Variants in BLOC1S5 observed in about 807,000 individuals in gnomAD.
BLOC1S5 encodes the protein biogenesis of lysosome-related organelles complex 1 subunit 5.
Under a neutral mutation model 24.3 loss-of-function variants are expected in BLOC1S5, and 27 were observed. The ratio of observed to expected loss-of-function variants is 1.11; its 90% CI spans 0.82 to 1.53. The LOEUF is 1.53. Among genes scored for constraint, BLOC1S5 ranks in the 40% most tolerant of loss-of-function variants. The pLI, the probability that BLOC1S5 is intolerant of heterozygous loss-of-function variation, is 0.00. For synonymous variants in BLOC1S5, 84 were observed against 74.5 expected (o/e 1.13, Z -0.66); for missense variants, 239 against 229.4 (o/e 1.04, Z -0.27).
chr6:8,019,625 T>C (rs896452949), intron 4 of BLOC1S5, among the ~76,000 whole-genome samples: 1 of 150,758 alleles, frequency 6.6e-6, no homozygotes, highest in Non-Finnish European at 1.5e-5. Context: ...GGGGCGCCTA[T>C]ACATTCATGT....
chr6:8,057,009 G>A (rs1339155220), intron 2 of BLOC1S5, among the ~76,000 whole-genome samples: 3 of 152,152 alleles, frequency 2.0e-5, no homozygotes, highest in Non-Finnish European at 4.4e-5. Flanking sequence ...CTGAGGTCAG[G>A]AGTTCAAGAC....
intron 4 of BLOC1S5, among the ~76,000 whole-genome samples, chr6:8,023,415 C>T (rs1431451389): frequency 6.6e-6 from 1 of 152,098 alleles, no homozygotes; most frequent in Non-Finnish European, 1.5e-5. Flanking sequence ...CATGGTGAAA[C>T]CCCGTTTCTA....
rs186872675 is a variant in BLOC1S5 at position 8,044,493 on chromosome 6, G to A, written c.196-3225C>T. ...GGCTGAAAAGATAGAAGAAAATGTG[G>A]AAGCAACTTTGGAAATGAGTAACAG... On this transcript the variant is annotated intron_variant, in intron 2 of 4. Coordinates refer to ENST00000397457, the MANE Select transcript of BLOC1S5 (RefSeq NM_201280.3). Among the ~76,000 whole-genome samples the A allele has an allele frequency of 7.4e-4, 113 of 152,262 alleles. 1 individual carries two copies. In the Middle Eastern group the frequency reaches 0.01, roughly 14 times the overall value.
intron 2 of BLOC1S5, among the ~76,000 whole-genome samples, chr6:8,050,625 CAG>C (rs1764076718): frequency 2.1e-5 from 3 of 145,312 alleles, no homozygotes; most frequent in Admixed American, 6.9e-5. Flanking sequence ...TTTATTGAGA[CAG>C]AGTCTCACTC....
Position 8,038,052 on chromosome 6 carries a change from GAAGA to G in BLOC1S5, c.325+3083_325+3086del, listed in dbSNP as rs369895843. Among the ~76,000 whole-genome samples the G allele has an allele frequency of 9.4e-3, 1,429 of 152,252 alleles. 21 individuals carry two copies. The highest frequency in any genetic ancestry group is 0.033 in the African/African-American group (1,362 of 41,542). ...AAGACCTGAAACTGTGAAATTACTA[GAAGA>G]AAGCCTAGGGGGAAACACTCCAGGA... On this transcript the variant is annotated intron_variant, in intron 3 of 4. Transcript: ENST00000397457.
In BLOC1S5 at chr6:8,015,672, G is replaced by A. The variant is rs1421038787; in HGVS notation, c.541C>T (p.Leu181=). ...TCTTAAAAGGTTGAAAATTTCGCTAGGTCCTTCTCCATCTCAGCATATTGT... is the reference window on the plus strand; with the variant it reads ...TCTTAAAAGGTTGAAAATTTCGCTAAGTCCTTCTCCATCTCAGCATATTGT... ...KEQYAEMEKD[L]AKFSTF Residue 181 remains leucine, a synonymous_variant, in exon 5 of 5, where the codon CTA becomes TTA. Coordinates refer to ENST00000397457, the MANE Select transcript of BLOC1S5 (RefSeq NM_201280.3). 1 of 1,611,138 alleles carries A rather than the reference G, an allele frequency of 6.2e-7. No individual in the cohort carries two copies. The highest frequency in any genetic ancestry group is 8.5e-7 in the Non-Finnish European group (1 of 1,179,322).
intron 3 of BLOC1S5, among the ~76,000 whole-genome samples, chr6:8,033,498 A>C (rs1763374775): frequency 6.6e-6 from 1 of 152,206 alleles, no homozygotes; most frequent in African/African-American, 2.4e-5. Flanking sequence ...TAAAGACTTA[A>C]ACGTTAGACC....
chr6:8,042,254 A>G (rs141284527), intron 2 of BLOC1S5, among the ~76,000 whole-genome samples: 1,656 of 152,336 alleles, frequency 0.011, 36 homozygotes, highest in African/African-American at 0.038. Flanking sequence ...CATTCTAACT[A>G]TCATATAGCT....
At chr6:8,038,213 G>C (rs60261559) in intron 3 of BLOC1S5, among the ~76,000 whole-genome samples, 5,952 of 152,222 alleles carry the variant, frequency 0.039, 370 homozygotes, top group African/African-American at 0.13. Context: ...AAGTTGAAGA[G>C]ACAACCCACA....
chr6:8,055,193 A>C (rs1204883258), intron 2 of BLOC1S5, among the ~76,000 whole-genome samples: 1 of 152,230 alleles, frequency 6.6e-6, no homozygotes, highest in Non-Finnish European at 1.5e-5. Flanking sequence ...GCACTTTGGG[A>C]AGCCGAGGCG....
At chr6:8,023,018 A>G (rs569801599) in intron 4 of BLOC1S5, among the ~76,000 whole-genome samples, 2 of 152,204 alleles carry the variant, frequency 1.3e-5, no homozygotes, top group Non-Finnish European at 2.9e-5. Flanking sequence ...TTACTTCATA[A>G]TTACTTCCAG....
intron 4 of BLOC1S5, among the ~76,000 whole-genome samples, chr6:8,019,263 T>A (rs1479463712): frequency 2.2e-5 from 3 of 136,492 alleles, no homozygotes; most frequent in African/African-American, 8.0e-5. Context: ...CTGCTAGGCA[T>A]TCTTACTTTT....
chr6:8,019,891 A>AAAAGCC (rs1364330904), intron 4 of BLOC1S5, among the ~76,000 whole-genome samples: 3 of 152,214 alleles, frequency 2.0e-5, no homozygotes, highest in African/African-American at 7.2e-5. Flanking sequence ...CACAAGTTAG[A>AAAAGCC]AAATGAAAAG....
intron 3 of BLOC1S5, among the ~76,000 whole-genome samples, chr6:8,027,822 C>CA (rs34329491): frequency 0.3 from 37,234 of 125,200 alleles, 6,009 homozygotes; most frequent in East Asian, 0.68. Flanking sequence ...GACTCCATCT[C>CA]AAAAAAAAAA....
chr6:8,044,993 CA>C (rs1763831032), intron 2 of BLOC1S5, among the ~76,000 whole-genome samples: 1 of 152,188 alleles, frequency 6.6e-6, no homozygotes, highest in African/African-American at 2.4e-5. Flanking sequence ...AACAAGGAGC[CA>C]AATGTCAATC....
intron 4 of BLOC1S5, 42 bp downstream of exon 4, chr6:8,026,325 G>A: frequency 1.4e-6 from 2 of 1,454,842 alleles, no homozygotes; most frequent in Non-Finnish European, 1.9e-6. Flanking sequence ...TGATAATAAA[G>A]ATGCAAGAAT....
At chr6:8,054,231 G>A (rs1434998778) in intron 2 of BLOC1S5, 1 of 443,612 alleles carries the variant, frequency 2.3e-6, no homozygotes, top group South Asian at 1.6e-5. Context: ...TATTTACAAG[G>A]CAATCAATAA....
At chr6:8,048,565 T>C (rs148407666) in intron 2 of BLOC1S5, among the ~76,000 whole-genome samples, 17 of 152,026 alleles carry the variant, frequency 1.1e-4, no homozygotes, top group Admixed American at 9.8e-4. Flanking sequence ...ACATAATTGT[T>C]TGTTTTATCG....
intron 4 of BLOC1S5, among the ~76,000 whole-genome samples, chr6:8,019,336 T>C (rs1024671257): frequency 1.3e-5 from 2 of 151,512 alleles, no homozygotes; most frequent in African/African-American, 4.9e-5. Flanking sequence ...TGGCACAATC[T>C]TAGCTCACTG....
Sources: allele counts gnomAD v4.1 joint callset (sites outside exome capture counted in the v4.1 genomes callset), GRCh38; gene constraint gnomAD v4.1.1; transcripts MANE v1.5; gene names NCBI Gene and HGNC (gene_info 2026-07-23, HGNC 2026-07-21).